The following TRIM28 variants were observed in gnomAD, a reference collection of about 807,000 sequenced individuals.
TRIM28 encodes the protein tripartite motif containing 28.
A neutral mutation model predicts 87.4 loss-of-function variants in TRIM28; 8 were observed. The observed-to-expected ratio is 0.09, with a 90% CI of 0.05 to 0.17. The LOEUF is 0.17. TRIM28 is among the 10% of genes least tolerant of loss of function. TRIM28 has a pLI of 1.00. For missense variants in TRIM28, 968 were observed against 1,131.8 expected, an observed-to-expected ratio of 0.86 and a Z score of 2.08; for synonymous variants, 601 against 454.3, an observed-to-expected ratio of 1.32 and a Z score of -4.11.
chr19:58,545,201 G>A (rs919413242), intron 1 of TRIM28, 104 bp downstream of exon 1: 1 of 1,118,710 alleles, frequency 8.9e-7, no homozygotes, highest in Non-Finnish European at 1.2e-6. Context: ...ATGGGGGCCC[G>A]GACAGGGCAC....
rs199524604 is a variant in TRIM28, at chr19:58,549,928, C to T, written c.2107-21C>T. The T allele has an allele frequency of 7.2e-5, 117 of 1,614,042 alleles. 1 individual carries two copies. The African/African-American group carries it at 1.4e-3, about 20-fold the overall frequency. On this transcript the variant is annotated intron_variant, in intron 14 of 16. Transcript: ENST00000253024. The surrounding 1 kb of genome is among the most constrained non-coding windows in gnomAD (Gnocchi z 4.4). ...TTATAGGTGCTGCCCAGAGCTGTGACATCCCTTACAATGTTTGTAGAAATG... is the reference window on the plus strand; with the variant it reads ...TTATAGGTGCTGCCCAGAGCTGTGATATCCCTTACAATGTTTGTAGAAATG...
Position 58,545,414 on chromosome 19 carries a change from G to T in TRIM28, c.341-11G>T, listed in dbSNP as rs949625765. ...ACTTGTAACAGTCTCCCACATCCCT[G>T]CTTCTCGAAGTGGTGGACTGTCCCG... On this transcript the variant is annotated splice_polypyrimidine_tract_variant and intron_variant, in intron 1 of 16. Coordinates refer to ENST00000253024, the MANE Select transcript of TRIM28 (RefSeq NM_005762.3). The T allele has an allele frequency of 6.3e-7, 1 of 1,599,866 alleles. No individual in the cohort carries two copies. The highest frequency in any genetic ancestry group is 1.3e-5 in the African/African-American group (1 of 74,634).
chr19:58,549,717 C>G lies in TRIM28; in HGVS notation c.1983-20C>G, dbSNP rs778494900. 1 of 1,599,124 alleles carries G rather than the reference C, an allele frequency of 6.3e-7. No individual in the cohort carries two copies. Among genetic ancestry groups the G allele is most frequent in the African/African-American group, 1.3e-5 (1 of 74,726 alleles). ...TGTCTGGACAGGATCATGTGCAGACCCTTATTTTCTTCACCCTAGGGAGGA... is the reference window on the plus strand; with the variant it reads ...TGTCTGGACAGGATCATGTGCAGACGCTTATTTTCTTCACCCTAGGGAGGA... On this transcript the variant is annotated intron_variant, in intron 13 of 16. Transcript: ENST00000253024. The surrounding 1 kb of genome is among the most constrained non-coding windows in gnomAD (Gnocchi z 4.4).
intron 2 of TRIM28, 60 bp from the exon 3 acceptor site, chr19:58,545,704 G>T: frequency 1.0e-5 from 16 of 1,577,988 alleles, no homozygotes; most frequent in Non-Finnish European, 1.4e-5. Flanking sequence ...TATTTTCTGG[G>T]ATGTAAACGT....
chr19:58,547,953 T>A (rs781129647), intron 6 of TRIM28, 47 bp downstream of exon 6: 276 of 1,613,456 alleles, frequency 1.7e-4, no homozygotes, highest in Non-Finnish European at 2.3e-4. Flanking sequence ...CCTCTGCTGA[T>A]TGATGATGCT....
chr19:58,547,100 CTT>C (rs768673031), intron 3 of TRIM28: 1 of 391,850 alleles, frequency 2.6e-6, no homozygotes, highest in East Asian at 4.6e-5. Context: ...GGGTGGTCCT[CTT>C]TTTCTAGACG....
At chr19:58,548,953 G>T in intron 11 of TRIM28, 35 bp from the exon 12 acceptor site, 1 of 1,614,070 alleles carries the variant, frequency 6.2e-7, no homozygotes, top group Non-Finnish European at 8.5e-7. Flanking sequence ...GATGGAGGGT[G>T]GGGGTGTACT....
chr19:58,547,580 C>T lies in TRIM28; in HGVS notation c.723-17C>T, dbSNP rs922032679. 3 of 1,613,884 alleles carry T rather than the reference C, an allele frequency of 1.9e-6. No individual in the cohort carries two copies. Among genetic ancestry groups the T allele is most frequent in the Non-Finnish European group, 2.5e-6 (3 of 1,179,912 alleles). ...TTCCGTAGCTTAGTGCTCAGGAACACATCTGTCTGCTCTCAGGTACCAGTT... is the reference window on the plus strand; with the variant it reads ...TTCCGTAGCTTAGTGCTCAGGAACATATCTGTCTGCTCTCAGGTACCAGTT... On this transcript the variant is annotated splice_polypyrimidine_tract_variant and intron_variant, in intron 4 of 16. Transcript: ENST00000253024.
Position 58,548,503 on chromosome 19 carries a change from C to T in TRIM28, c.1234C>T (p.Arg412Cys), listed in dbSNP as rs759243122. 1.1e-5 allele frequency: 18 copies of T among 1,613,948 alleles called. No individual in the cohort carries two copies. Among genetic ancestry groups the T allele is most frequent in the African/African-American group, 2.7e-5 (2 of 74,908 alleles). Residue 412 changes from arginine to cysteine, a missense_variant, in exon 9 of 17, where the codon CGT becomes TGT. By Grantham distance (180) the Arg-to-Cys change is radical (BLOSUM62 -3). Coordinates refer to ENST00000253024, the MANE Select transcript of TRIM28 (RefSeq NM_005762.3). Reference protein sequence around the residue: ...AEAFGKIVAERPGTNSTGPAP... With the variant: ...AEAFGKIVAECPGTNSTGPAP... ...TTTTGCAGGCAAGATTGTGGCAGAG[C>T]GTCCTGGCACTAACTCAACAGGCCC...
Position 58,549,160 on chromosome 19 carries a change from G to A in TRIM28, c.1582G>A (p.Ala528Thr), listed in dbSNP as rs760820761. The change falls in exon 12 of 17, where the codon GCT (alanine) becomes ACT (threonine). Residue 528 changes from alanine (A) to threonine (T), a missense_variant. Ala to Thr is a moderately conservative substitution (Grantham distance 58, BLOSUM62 0). Transcript: ENST00000253024. This position sits in a 1 kb window ranked among gnomAD's most constrained non-coding sequence, Gnocchi z 4.4. ...NLIVIERGAA[A>T]AATGQPGTAP... ...TATTGTTATTGAACGTGGCGCTGCC[G>A]CTGCAGCTACCGGCCAGCCAGGGAC... The A allele has an allele frequency of 4.0e-5, 65 of 1,613,978 alleles. No individual in the cohort carries two copies. The highest frequency in any genetic ancestry group is 1.6e-4 in the Middle Eastern group (1 of 6,084).
intron 3 of TRIM28, among the ~76,000 whole-genome samples, chr19:58,546,583 A>T (rs2053762942): frequency 6.6e-6 from 1 of 152,162 alleles, no homozygotes; most frequent in Non-Finnish European, 1.5e-5. Context: ...CAGGAGGGAT[A>T]CGCAGGGGCT....
In TRIM28 at chr19:58,547,840, G is replaced by A. The variant is rs779984035; in HGVS notation, c.888G>A (p.Lys296=). 15 of 1,614,044 alleles carry A rather than the reference G, an allele frequency of 9.3e-6. No individual in the cohort carries two copies. The highest frequency in any genetic ancestry group is 1.3e-5 in the Non-Finnish European group (15 of 1,180,044). The change falls in exon 6 of 17, where the codon AAG becomes AAA. Residue 296 remains lysine, a synonymous_variant. Transcript: ENST00000253024. ...DVQKRVQVDV[K]MAILQIMKEL... ...AGAAGCGTGTGCAAGTGGATGTCAA[G>A]ATGGCCATCCTGCAGATCATGAAGG...
At position 58,548,084 on chromosome 19, in the gene TRIM28, G is replaced by A; in HGVS notation, c.1005G>A (p.Met335Ile). The A allele has an allele frequency of 6.2e-7, 1 of 1,614,194 alleles. No individual in the cohort carries two copies. Among genetic ancestry groups the A allele is most frequent in the Non-Finnish European group, 8.5e-7 (1 of 1,180,028 alleles). ...GCCTGGAGCGGCAGCACTGGACCAT[G>A]ACCAAGATCCAGAAGCACCAGGAGC... ...QERLERQHWT[M>I]TKIQKHQEHI... The change falls in exon 7 of 17, where the codon ATG becomes ATA. Residue 335 changes from methionine (M) to isoleucine (I), a missense_variant. Met to Ile is a conservative substitution (Grantham distance 10). Transcript: ENST00000253024.
In TRIM28 at chr19:58,546,984, G is replaced by A. The variant is rs1306556946; in HGVS notation, c.587-392G>A. Among the ~76,000 whole-genome samples the A allele has an allele frequency of 8.9e-5, 13 of 146,474 alleles. No individual in the cohort carries two copies. In the South Asian group the frequency reaches 2.8e-3, roughly 32 times the overall value. ...GTTAACCATGAAAGGAGAAGAAAAG[G>A]AATCCAGGGTGGTGTGTAGGCAGAA... On this transcript the variant is annotated intron_variant, in intron 3 of 16. Transcript: ENST00000253024.
rs2053810495 is a variant in TRIM28, at chr19:58,550,707, TCA to T, written c.*156_*157del. 5 of 821,932 alleles carry T rather than the reference TCA, an allele frequency of 6.1e-6. No homozygotes were observed. The Admixed American group carries it at 1.5e-4, about 24-fold the overall frequency. The allele number at this position is 821,932 out of a possible 1,614,324, so 50.9% of individuals were successfully genotyped here. On this transcript the variant is annotated 3_prime_UTR_variant, in exon 17 of 17. Transcript: ENST00000253024. Reference sequence around the variant, plus strand: ...TACTTCTGTGGATTTAATAAAAACTTCACCAGTTCCTCAGGCGTTGGCTGGTT... The same window carrying T: ...TACTTCTGTGGATTTAATAAAAACTTCCAGTTCCTCAGGCGTTGGCTGGTT...
At position 58,544,418 on chromosome 19, in the gene TRIM28, G is replaced by C. The variant is rs968228416; in HGVS notation, c.-340G>C. ...CCCAATGCGCGTGCGCGGCGGCGTCGGCGCCAGTTATTTCTGTCCCGCCCC... is the reference window on the plus strand; with the variant it reads ...CCCAATGCGCGTGCGCGGCGGCGTCCGCGCCAGTTATTTCTGTCCCGCCCC... On this transcript the variant is annotated 5_prime_UTR_variant, in exon 1 of 17. Transcript: ENST00000253024. The C allele has an allele frequency of 1.3e-5, 2 of 152,020 alleles. No individual in the cohort carries two copies. The highest frequency in any genetic ancestry group is 1.3e-4 in the Admixed American group (2 of 15,252). 9.4% of individuals were successfully genotyped at this position (152,020 alleles called of 1,614,324 possible). A position where few individuals can be genotyped will look rare whatever the true frequency, so the allele number is the denominator to read the frequency against.
rs770278892 is a variant in TRIM28, at chr19:58,548,026, A to T, written c.955-8A>T. ...TCTCTGCTTACCTCATACACCTTCT[A>T]TCTGCAGAAGGTGACTGAGGGGCAG... is the stretch of plus-strand genomic sequence containing the variant. On this transcript the variant is annotated splice_region_variant and splice_polypyrimidine_tract_variant and intron_variant, in intron 6 of 16. Coordinates refer to ENST00000253024, the MANE Select transcript of TRIM28 (RefSeq NM_005762.3). 4 of 1,614,080 alleles carry T rather than the reference A, an allele frequency of 2.5e-6. No homozygotes were observed. Among genetic ancestry groups the T allele is most frequent in the Non-Finnish European group, 2.5e-6 (3 of 1,179,998 alleles).
Position 58,549,319 on chromosome 19 carries a change from A to G in TRIM28, c.1663-12A>G, listed in dbSNP as rs753289763. 2 of 1,567,308 alleles carry G rather than the reference A, an allele frequency of 1.3e-6. No homozygotes were observed. The highest frequency in any genetic ancestry group is 8.7e-7 in the Non-Finnish European group (1 of 1,153,530). ...TGGACCCTGTTGAACACCCCTCATC[A>G]CCACCTTGCAGGAGGAGGAGACGGA... On this transcript the variant is annotated splice_polypyrimidine_tract_variant and intron_variant, in intron 12 of 16. Transcript: ENST00000253024. The surrounding 1 kb of genome is among the most constrained non-coding windows in gnomAD (Gnocchi z 4.4).
Position 58,548,474 on chromosome 19 carries a change from T to A in TRIM28, c.1217-12T>A, listed in dbSNP as rs769983941. The stretch of plus-strand genomic sequence containing the variant: ...TGCTGCACCTACTTACGTTTCTCTC[T>A]TCTTTTTGCAGGCAAGATTGTGGCA... On this transcript the variant is annotated splice_polypyrimidine_tract_variant and intron_variant, in intron 8 of 16. Transcript: ENST00000253024. The A allele has an allele frequency of 1.2e-6, 2 of 1,613,986 alleles. No individual in the cohort carries two copies. Among genetic ancestry groups the A allele is most frequent in the Non-Finnish European group, 1.7e-6 (2 of 1,180,006 alleles).
Sources: gnomAD v4.1 joint callset for allele counts (sites outside exome capture counted in the v4.1 genomes callset) on GRCh38, gnomAD v4.1.1 for gene constraint, Gnocchi (gnomAD v3.1) non-coding constraint, MANE v1.5 for transcripts, NCBI Gene and HGNC (gene_info 2026-07-23, HGNC 2026-07-21) for gene names.